ZNF536: variants seen among roughly 807,000 people sequenced by gnomAD.
ZNF536 encodes zinc finger protein 536.
Under a neutral mutation model 84.5 loss-of-function variants are expected in ZNF536, and 13 were observed. The ratio of observed to expected loss-of-function variants is 0.15; its 90% confidence interval spans 0.10 to 0.24. ZNF536 has a LOEUF of 0.24. Among genes scored for constraint, ZNF536 ranks in the 10% least tolerant of loss-of-function variants. The probability of loss-of-function intolerance (pLI) is 1.00; values close to 1 mark genes in which losing one functional copy is unlikely to be tolerated. For synonymous variants in ZNF536, 811 were observed against 742.5 expected (o/e 1.09, Z -1.50); for missense variants, 1,536 against 1,747.5 (o/e 0.88, Z 2.16).
chr19:30,584,703 A>G (rs1453512666), intron 1 of ZNF536, among the ~76,000 whole-genome samples: 1 of 152,106 alleles, frequency 6.6e-6, no homozygotes, highest in Non-Finnish European at 1.5e-5. Flanking sequence ...ATCATTTCTC[A>G]AGTCTGCACC....
At chr19:30,425,770 T>C (rs2051187308) in intron 1 of ZNF536, among the ~76,000 whole-genome samples, 1 of 152,208 alleles carries the variant, frequency 6.6e-6, no homozygotes, top group Non-Finnish European at 1.5e-5. Flanking sequence ...TGGCTCAAAC[T>C]GATTTTATAG....
At chr19:30,365,636 G>A (rs1025385581) in intron 3 of ZNF536, among the ~76,000 whole-genome samples, 1 of 152,188 alleles carries the variant, frequency 6.6e-6, no homozygotes, top group African/African-American at 2.4e-5. Flanking sequence ...TCCCGTGGAG[G>A]TAACCTTCCC....
chr19:30,454,415 GA>G (rs1383276746), intron 2 of ZNF536, among the ~76,000 whole-genome samples: 1 of 152,198 alleles, frequency 6.6e-6, no homozygotes, highest in Admixed American at 6.5e-5. Context: ...AGGCATTCTG[GA>G]ACATGTTCAA....
chr19:30,654,515 C>T (rs917144457), intron 1 of ZNF536, among the ~76,000 whole-genome samples: 2 of 151,904 alleles, frequency 1.3e-5, no homozygotes, highest in Non-Finnish European at 2.9e-5. Context: ...GTTCCTAAAG[C>T]GAAAGAACTG....
At chr19:30,538,743 C>T (rs1197013565) in intron 3 of ZNF536, among the ~76,000 whole-genome samples, 1 of 152,224 alleles carries the variant, frequency 6.6e-6, no homozygotes, top group Admixed American at 6.5e-5. Flanking sequence ...GGTGGCTGAA[C>T]TTCTCTCCTC....
intron 4 of ZNF536, among the ~76,000 whole-genome samples, chr19:30,551,726 T>C (rs1287664606): frequency 6.6e-6 from 1 of 152,232 alleles, no homozygotes; most frequent in Non-Finnish European, 1.5e-5. Context: ...TGCCTATTTT[T>C]AGAGAGTGTG....
In ZNF536 at chr19:30,549,455, T is replaced by G. The variant is rs758023388; in HGVS notation, c.3836T>G (p.Phe1279Cys). The G allele has an allele frequency of 6.7e-5, 102 of 1,526,506 alleles. No homozygotes were observed. Among genetic ancestry groups the G allele is most frequent in the Non-Finnish European group, 8.5e-5 (97 of 1,137,902 alleles). The allele number at this position is 1,526,506 out of a possible 1,614,324, so 94.6% of individuals were successfully genotyped here. Residue 1279 changes from phenylalanine (F) to cysteine (C), a missense_variant, in exon 4 of 5, where the codon TTT becomes TGT. Phe to Cys is a radical substitution (Grantham distance 205). This residue lies in a region of ZNF536 where 624 missense variants were observed against 603.1 expected (regional missense o/e 1.03). Coordinates refer to ENST00000355537, the MANE Select transcript of ZNF536 (RefSeq NM_014717.3). Reference protein sequence around the residue: ...RAYSSDGLAAFNGLASSTANS... With the variant: ...RAYSSDGLAACNGLASSTANS... ...TACAGTTCTGATGGCTTAGCAGCCTTTAACGGACTTGCAAGTAGCACAGCA... is the reference window on the plus strand; with the variant it reads ...TACAGTTCTGATGGCTTAGCAGCCTGTAACGGACTTGCAAGTAGCACAGCA...
chr19:30,443,697 T>A lies in ZNF536; in HGVS notation c.135T>A (p.His45Gln), dbSNP rs2148149147. The A allele has an allele frequency of 6.2e-7, 1 of 1,613,808 alleles. No homozygotes were observed. Among genetic ancestry groups the A allele is most frequent in the Non-Finnish European group, 8.5e-7 (1 of 1,179,974 alleles). The change falls in exon 2 of 5, where the codon CAT becomes CAA. Residue 45 changes from histidine (H) to glutamine (Q), a missense_variant. By Grantham distance (24) the His-to-Gln change is conservative. Coordinates refer to ENST00000355537, the MANE Select transcript of ZNF536 (RefSeq NM_014717.3). ...ACCAGATCACCTCCCAGCTCAGCCA[T>A]GCCTTCCCCGAGCTCCATCCCCGGC... ...KLHQITSQLS[H>Q]AFPELHPRPN...
intron 3 of ZNF536, among the ~76,000 whole-genome samples, chr19:30,540,567 C>T (rs79132194): frequency 0.022 from 3,358 of 152,248 alleles, 108 homozygotes; most frequent in African/African-American, 0.073. Flanking sequence ...CCATCCCCTG[C>T]CCCGCTTCAG....
At chr19:30,466,258 T>C (rs2053385884) in intron 2 of ZNF536, among the ~76,000 whole-genome samples, 1 of 151,726 alleles carries the variant, frequency 6.6e-6, no homozygotes, top group African/African-American at 2.4e-5. Context: ...TTTACCATTT[T>C]AGGCTGGACA....
intron 1 of ZNF536, among the ~76,000 whole-genome samples, chr19:30,707,492 G>T (rs1267021698): frequency 6.6e-6 from 1 of 152,150 alleles, no homozygotes; most frequent in Non-Finnish European, 1.5e-5. Flanking sequence ...TCTCTTACCT[G>T]GCAATCATGG....
At chr19:30,539,138 C>T (rs560193328) in intron 3 of ZNF536, among the ~76,000 whole-genome samples, 14 of 152,034 alleles carry the variant, frequency 9.2e-5, no homozygotes, top group South Asian at 2.1e-4. Flanking sequence ...CACACACACA[C>T]GCACACAGGA....
At chr19:30,345,994 A>T (rs1187246281) in intron 2 of ZNF536, among the ~76,000 whole-genome samples, 1 of 152,186 alleles carries the variant, frequency 6.6e-6, no homozygotes, top group Non-Finnish European at 1.5e-5. Context: ...CAGGTTGATG[A>T]CTGTAGCTGG....
intron 1 of ZNF536, among the ~76,000 whole-genome samples, chr19:30,234,310 C>T (rs1298834224): frequency 6.6e-6 from 1 of 151,870 alleles, no homozygotes; most frequent in Non-Finnish European, 1.5e-5. Context: ...GGCCCCCTAC[C>T]TCCTTGCTGG....
intron 2 of ZNF536, among the ~76,000 whole-genome samples, chr19:30,467,776 C>A (rs910658316): frequency 1.3e-5 from 2 of 152,208 alleles, no homozygotes; most frequent in Non-Finnish European, 2.9e-5. Context: ...AGGGTTTTGG[C>A]GTCAGGAATG....
intron 1 of ZNF536, among the ~76,000 whole-genome samples, chr19:30,424,665 A>T (rs2051134188): frequency 6.6e-6 from 1 of 152,120 alleles, no homozygotes; most frequent in Non-Finnish European, 1.5e-5. Flanking sequence ...CTGAGAGGGA[A>T]CTTATTAAAT....
intron 1 of ZNF536, chr19:30,710,694 T>G (rs2052427604): frequency 6.6e-6 from 1 of 152,264 alleles, no homozygotes; most frequent in Non-Finnish European, 1.5e-5. Context: ...TATGATCCTT[T>G]GAGCCCTGGG....
intron 1 of ZNF536, among the ~76,000 whole-genome samples, chr19:30,415,300 C>CTTCTTCTTCTTG (rs1379676359): frequency 1.9e-4 from 28 of 143,732 alleles, no homozygotes; most frequent in Admixed American, 4.9e-4. Context: ...TCTTCTTCTT[C>CTTCTTCTTCTTG]TTCTTCTCCT....
intron 2 of ZNF536, among the ~76,000 whole-genome samples, chr19:30,306,999 T>C (rs2046360989): frequency 6.6e-6 from 1 of 152,034 alleles, no homozygotes; most frequent in Non-Finnish European, 1.5e-5. Context: ...TATTTTTATA[T>C]ATATATATCT....
Sources: gnomAD v4.1 joint callset for allele counts (sites outside exome capture counted in the v4.1 genomes callset) on GRCh38, gnomAD v4.1.1 for gene constraint, gnomAD v4.1.1 regional missense constraint, MANE v1.5 for transcripts, NCBI Gene and HGNC (gene_info 2026-07-23, HGNC 2026-07-21) for gene names.